MAGI2: variants seen among roughly 807,000 people sequenced by gnomAD.
MAGI2 encodes membrane associated guanylate kinase, WW and PDZ domain containing 2, also known as membrane-associated guanylate kinase, WW and PDZ domain-containing protein 2.
MAGI2 carries 35 observed loss-of-function variants against 133.3 expected under a neutral mutation model. The observed-to-expected ratio is 0.26, with a 90% CI of 0.20 to 0.35. The LOEUF (loss-of-function observed/expected upper bound fraction) is 0.35. MAGI2 is among the 10% of genes least tolerant of loss of function. The pLI is 1.00. For synonymous variants in MAGI2, 729 were observed against 710.6 expected, an observed-to-expected ratio of 1.03 and a Z score of -0.41; for missense variants, 1,636 against 1,863.4, an observed-to-expected ratio of 0.88 and a Z score of 2.25.
At chr7:79,040,838 T>TGAGTC (rs1336107373) in intron 1 of MAGI2, among the ~76,000 whole-genome samples, 5 of 152,232 alleles carry the variant, frequency 3.3e-5, no homozygotes, top group Non-Finnish European at 7.3e-5. Context: ...TGCAGAACTG[T>TGAGTC]GAGTCAATTA....
At chr7:79,232,625 G>A (rs1720127980) in intron 1 of MAGI2, among the ~76,000 whole-genome samples, 1 of 82,748 alleles carries the variant, frequency 1.2e-5, no homozygotes, top group South Asian at 5.1e-4. Flanking sequence ...TATTTCTGTG[G>A]GATCGGTGGT....
intron 6 of MAGI2, among the ~76,000 whole-genome samples, chr7:78,413,781 C>T (rs890870883): frequency 5.9e-5 from 9 of 151,902 alleles, no homozygotes; most frequent in Non-Finnish European, 8.8e-5. Flanking sequence ...ATGCTACACA[C>T]GGGCCAAGGA....
rs201146822 is a variant in MAGI2, at chr7:78,576,014, ACT to A, written c.538+51104_538+51105del. 7.8e-3 allele frequency among the ~76,000 whole-genome samples: 1,192 copies of A among 152,120 alleles called. 16 individuals carry two copies. Among genetic ancestry groups the A allele is most frequent in the African/African-American group, 0.027 (1,131 of 41,508 alleles). On this transcript the variant is annotated intron_variant, in intron 3 of 21. Transcript: ENST00000354212. The stretch of plus-strand genomic sequence containing the variant: ...AAAATTGGATGAAAGTTAAACATAA[ACT>A]CTCTGTACTATTTTTGTACATAAAT...
intron 20 of MAGI2, among the ~76,000 whole-genome samples, chr7:78,098,224 C>T (rs955790756): frequency 2.0e-5 from 3 of 152,060 alleles, no homozygotes; most frequent in East Asian, 1.9e-4. Flanking sequence ...ACAAAGGTAA[C>T]GGCTATTCTG....
In MAGI2 at chr7:79,006,884, G is replaced by A. The variant is rs181025467; in HGVS notation, c.418+206C>T. 3.7e-4 allele frequency: 158 copies of A among 424,918 alleles called. 1 individual carries two copies. The East Asian group carries it at 5.1e-3, about 14-fold the overall frequency. 26.3% of individuals were successfully genotyped at this position (424,918 alleles called of 1,614,324 possible). A position where few individuals can be genotyped will look rare whatever the true frequency, so the allele number is the denominator to read the frequency against. On this transcript the variant is annotated intron_variant, in intron 2 of 21. Coordinates refer to ENST00000354212, the MANE Select transcript of MAGI2 (RefSeq NM_012301.4). ...AGATTTTATAGCTTGAAAATCACAA[G>A]TTTCTTCTGGCTACAACTTCATCAT...
At chr7:78,037,305 A>G (rs1463202553) in intron 21 of MAGI2, among the ~76,000 whole-genome samples, 2 of 152,168 alleles carry the variant, frequency 1.3e-5, no homozygotes, top group African/African-American at 4.8e-5. Flanking sequence ...TTCTTTCTCC[A>G]TAAGGCAGCT....
At chr7:78,762,727 A>G (rs548310897) in intron 2 of MAGI2, among the ~76,000 whole-genome samples, 4 of 152,182 alleles carry the variant, frequency 2.6e-5, no homozygotes, top group Non-Finnish European at 5.9e-5. Flanking sequence ...AGCATAATAA[A>G]TTATGTGGTA....
At chr7:78,443,775 A>C (rs1787857492) in intron 6 of MAGI2, among the ~76,000 whole-genome samples, 1 of 152,104 alleles carries the variant, frequency 6.6e-6, no homozygotes, top group African/African-American at 2.4e-5. Flanking sequence ...GTCAAGAATT[A>C]TTTGAGTTAG....
chr7:79,085,321 ACT>A lies in MAGI2; in HGVS notation c.302-78117_302-78116del, dbSNP rs576132848. ...TTTTGATCTTGAGAATATATTTTTG[ACT>A]CTTTTTTCTAAAATTCATATATTTT... On this transcript the variant is annotated intron_variant, in intron 1 of 21. Transcript: ENST00000354212. 1.2e-3 allele frequency among the ~76,000 whole-genome samples: 177 copies of A among 150,388 alleles called. 1 individual carries two copies. Among genetic ancestry groups the A allele is most frequent in the African/African-American group, 4.1e-3 (168 of 41,046 alleles).
intron 6 of MAGI2, among the ~76,000 whole-genome samples, chr7:78,382,000 C>T (rs1460741449): frequency 1.3e-5 from 2 of 152,110 alleles, no homozygotes; most frequent in Non-Finnish European, 2.9e-5. Flanking sequence ...CAAAGTTATT[C>T]AATGCGTCAT....
intron 1 of MAGI2, among the ~76,000 whole-genome samples, chr7:79,233,290 T>A (rs1831547563): frequency 7.0e-5 from 8 of 114,596 alleles, no homozygotes; most frequent in African/African-American, 2.7e-4. Flanking sequence ...GGTGGAGAGT[T>A]CTGTAGATGT....
At chr7:78,572,604 C>A (rs1801617756) in intron 3 of MAGI2, among the ~76,000 whole-genome samples, 1 of 152,044 alleles carries the variant, frequency 6.6e-6, no homozygotes, top group African/African-American at 2.4e-5. Context: ...GATTCCTATC[C>A]CTGGATGCAA....
At chr7:78,049,630 C>T (rs1354892822) in intron 21 of MAGI2, among the ~76,000 whole-genome samples, 1 of 152,104 alleles carries the variant, frequency 6.6e-6, no homozygotes, top group African/African-American at 2.4e-5. Context: ...CCCCTAACAG[C>T]CTTTAACACC....
At chr7:78,914,715 A>C (rs999418791) in intron 2 of MAGI2, among the ~76,000 whole-genome samples, 41 of 152,284 alleles carry the variant, frequency 2.7e-4, no homozygotes, top group Admixed American at 2.4e-3. Flanking sequence ...AAAATAGAGG[A>C]GTGAAAACAG....
At chr7:78,893,860 A>G (rs1395279648) in intron 2 of MAGI2, among the ~76,000 whole-genome samples, 1 of 152,218 alleles carries the variant, frequency 6.6e-6, no homozygotes, top group African/African-American at 2.4e-5. Flanking sequence ...CATGTACCCT[A>G]AAACTTAAAG....
chr7:79,090,729 C>G (rs1816971518), intron 1 of MAGI2, among the ~76,000 whole-genome samples: 1 of 152,116 alleles, frequency 6.6e-6, no homozygotes, highest in Non-Finnish European at 1.5e-5. Flanking sequence ...GTGTTTAAGC[C>G]TTCTGTCACA....
rs1246939594 is a variant in MAGI2, at chr7:79,093,751, G to A, written c.302-86545C>T. On this transcript the variant is annotated intron_variant, in intron 1 of 21. Transcript: ENST00000354212. ...TTTTTTTAGATGGAGTTTTGTTCTT[G>A]TTGCCCAGGCTGGAGTGCAATGGCA... is the stretch of plus-strand genomic sequence containing the variant. 6.9e-5 allele frequency among the ~76,000 whole-genome samples: 5 copies of A among 72,922 alleles called. No individual in the cohort carries two copies. In the Admixed American group the frequency reaches 8.0e-4, roughly 12 times the overall value. The allele number at this position is 72,922 out of a possible 152,430, so 47.8% of individuals were successfully genotyped here. A position where few individuals can be genotyped will look rare whatever the true frequency, so the allele number is the denominator to read the frequency against.
intron 2 of MAGI2, among the ~76,000 whole-genome samples, chr7:78,879,997 A>G (rs1480904436): frequency 6.6e-6 from 1 of 152,124 alleles, no homozygotes; most frequent in Non-Finnish European, 1.5e-5. Context: ...CTGATCTTTC[A>G]TACTAACACA....
At chr7:78,416,609 G>A (rs2151389676) in intron 6 of MAGI2, among the ~76,000 whole-genome samples, 1 of 152,184 alleles carries the variant, frequency 6.6e-6, no homozygotes, top group Admixed American at 6.5e-5. Flanking sequence ...ATCAAATGAA[G>A]TATAGTTGTA....
Sources: gnomAD v4.1 joint callset for allele counts (sites outside exome capture counted in the v4.1 genomes callset) on GRCh38, gnomAD v4.1.1 for gene constraint, MANE v1.5 for transcripts, NCBI Gene and HGNC (gene_info 2026-07-23, HGNC 2026-07-21) for gene names.